CARD14: variants seen among roughly 807,000 people sequenced by gnomAD.
CARD14 encodes the protein caspase recruitment domain-containing protein 14.
CARD14 carries 107 observed loss-of-function variants against 111.5 expected under a neutral mutation model. The ratio of observed to expected loss-of-function variants is 0.96; its 90% confidence interval spans 0.82 to 1.13. The LOEUF (loss-of-function observed/expected upper bound fraction) is 1.13, where lower values mean the gene tolerates loss of function less well. Ranked by LOEUF, CARD14 falls within the 50% of genes most tolerant of loss-of-function variation. The probability of loss-of-function intolerance (pLI) is 0.00; values close to 1 mark genes in which losing one functional copy is unlikely to be tolerated. For synonymous variants in CARD14, 617 were observed against 579.6 expected (o/e 1.06, Z -0.93); for missense variants, 1,322 against 1,362.3 (o/e 0.97, Z 0.47).
At chr17:80,205,897 T>C (rs1283947752) in intron 22 of CARD14, 2 of 419,026 alleles carry the variant, frequency 4.8e-6, no homozygotes, top group East Asian at 4.0e-5. Flanking sequence ...GGATGTTTAA[T>C]AGATATTTGT....
rs567128716 is a variant in CARD14 at position 80,187,774 on chromosome 17, G to C, written c.676-603G>C. ...CGGGAAGAGGGCGGGCCCGTGGCTC[G>C]AGCTCCAAGTTTCTCTTGGGCTGCT... On this transcript the variant is annotated intron_variant, in intron 7 of 23. Transcript: ENST00000648509. 1.7e-5 allele frequency: 17 copies of C among 985,376 alleles called. No individual in the cohort carries two copies. The African/African-American group carries it at 3.0e-4, about 17-fold the overall frequency. The allele number at this position is 985,376 out of a possible 1,614,324, so 61.0% of individuals were successfully genotyped here.
At chr17:80,191,999 C>T (rs537120666) in intron 11 of CARD14, among the ~76,000 whole-genome samples, 4 of 152,310 alleles carry the variant, frequency 2.6e-5, no homozygotes, top group South Asian at 2.1e-4. Flanking sequence ...CTCCTCCCTC[C>T]GCATGCGGAA....
rs746900548 is a variant in CARD14 at position 80,205,527 on chromosome 17, G to A, written c.2570-4G>A. 10 of 1,584,426 alleles carry A rather than the reference G, an allele frequency of 6.3e-6. No individual in the cohort carries two copies. The highest frequency in any genetic ancestry group is 1.7e-4 in the Middle Eastern group (1 of 6,050). On this transcript the variant is annotated splice_polypyrimidine_tract_variant and splice_region_variant and intron_variant, in intron 21 of 23. Transcript: ENST00000648509. ...ATGATGGCCCCGTCCAATGTCACCT[G>A]TAGAGTACTTGAGCCAGGAGGAGTA...
rs149287760 is a variant in CARD14, at chr17:80,191,411, C to T, written c.1178C>T (p.Thr393Met). The change falls in exon 11 of 24, where the codon ACG becomes ATG. Residue 393 changes from threonine (T) to methionine (M), a missense_variant. By Grantham distance (81) the Thr-to-Met change is moderately conservative. Coordinates refer to ENST00000648509, the MANE Select transcript of CARD14 (RefSeq NM_001366385.1). Reference sequence around the variant, plus strand: ...CTCCGCAGGCAGGTGTTCGAGCTGACGGACCAGGTCTGCGAGCTGCGCACA... The same window carrying T: ...CTCCGCAGGCAGGTGTTCGAGCTGATGGACCAGGTCTGCGAGCTGCGCACA... ...DSLRRQVFELTDQVCELRTQL... is the reference protein window; with the variant it reads ...DSLRRQVFELMDQVCELRTQL... 5.6e-5 allele frequency: 91 copies of T among 1,613,538 alleles called. No individual in the cohort carries two copies. The highest frequency in any genetic ancestry group is 9.3e-5 in the African/African-American group (7 of 74,916).
rs1426788108 is a variant in CARD14, at chr17:80,202,339, G to A, written c.2138G>A (p.Cys713Tyr). ...GTCACCGACACCATGTTCCAGGGCT[G>A]CGGCTGCTGGCATGCCCACCGCGTG... ...LHVTDTMFQG[C>Y]GCWHAHRVNS... The change falls in exon 18 of 24, where the codon TGC (cysteine) becomes TAC (tyrosine). Residue 713 changes from cysteine to tyrosine, a missense_variant. Coordinates refer to ENST00000648509, the MANE Select transcript of CARD14 (RefSeq NM_001366385.1). 6.2e-7 allele frequency: 1 copy of A among 1,613,438 alleles called. No individual in the cohort carries two copies.
intron 2 of CARD14, among the ~76,000 whole-genome samples, chr17:80,177,620 G>A (rs1236141063): frequency 6.6e-6 from 1 of 152,142 alleles, no homozygotes; most frequent in African/African-American, 2.4e-5. Flanking sequence ...GCTTGAACCC[G>A]GGAGACAAAG....
At position 80,189,713 on chromosome 17, in the gene CARD14, G is replaced by C. The variant is rs2040456620; in HGVS notation, c.844-40G>C. 1 of 1,511,510 alleles carries C rather than the reference G, an allele frequency of 6.6e-7. No homozygotes were observed. The highest frequency in any genetic ancestry group is 2.5e-5 in the Admixed American group (1 of 39,850). 93.6% of individuals were successfully genotyped at this position (1,511,510 alleles called of 1,614,324 possible). On this transcript the variant is annotated intron_variant, in intron 8 of 23. Transcript: ENST00000648509. The surrounding 1 kb of genome is among the most constrained non-coding windows in gnomAD (Gnocchi z 4.7). ...TTCTGCTTGCCTAGGGCAGGCCTCT[G>C]GGGAAGCCAGCACCCCAGGCTGACC...
chr17:80,204,782 A>C, intron 20 of CARD14: 1 of 478,170 alleles, frequency 2.1e-6, no homozygotes, highest in Non-Finnish European at 3.7e-6. Flanking sequence ...CCTATAGGAA[A>C]CAGGATTAAG....
At position 80,188,399 on chromosome 17, in the gene CARD14, T is replaced by C. The variant is rs750975292; in HGVS notation, c.698T>C (p.Leu233Pro). Residue 233 changes from leucine (L) to proline (P), a missense_variant, in exon 8 of 24, where the codon CTG becomes CCG. By Grantham distance (98) the Leu-to-Pro change is moderately conservative (BLOSUM62 -3). Transcript: ENST00000648509. This position sits in a 1 kb window ranked among gnomAD's most constrained non-coding sequence, Gnocchi z 4.5. ...CAGCTGTATCTACTGAAGCAGGAGC[T>C]GCAGCGAGCCAACATGGTTTCCTCC... ...QEELYLLKQELQRANMVSSCE... is the reference protein window; with the variant it reads ...QEELYLLKQEPQRANMVSSCE... 20 of 1,610,656 alleles carry C rather than the reference T, an allele frequency of 1.2e-5. No individual in the cohort carries two copies. Among genetic ancestry groups the C allele is most frequent in the Non-Finnish European group, 1.6e-5 (19 of 1,178,526 alleles).
rs571049959 is a variant in CARD14 at position 80,205,108 on chromosome 17, C to T, written c.2472C>T (p.Pro824=). ...ATACCCTGGTGCGGCCCCATCGACCCGCCCGGCCCCGGCCTGTGCTCCTCG... is the reference window on the plus strand; with the variant it reads ...ATACCCTGGTGCGGCCCCATCGACCTGCCCGGCCCCGGCCTGTGCTCCTCG... The part of the protein sequence containing the change: ...VPYTLVRPHR[P]ARPRPVLLVP... Residue 824 remains proline (P), a synonymous_variant, in exon 21 of 24, where the codon CCC becomes CCT. Transcript: ENST00000648509. The T allele has an allele frequency of 6.8e-6, 11 of 1,613,664 alleles. No individual in the cohort carries two copies. The highest frequency in any genetic ancestry group is 4.5e-5 in the East Asian group (2 of 44,878).
At chr17:80,194,961 G>C (rs192412195) in intron 12 of CARD14, among the ~76,000 whole-genome samples, 2 of 152,332 alleles carry the variant, frequency 1.3e-5, no homozygotes, top group South Asian at 2.1e-4. Context: ...GCAGCTAATA[G>C]AGCCTGACAT....
At position 80,208,606 on chromosome 17, in the gene CARD14, A is replaced by C; in HGVS notation, c.*261A>C. ...ATGGTCTGAACTGGAAACCCTGAGA[A>C]TGTTTCTGCAGTGGGACAGGAGGGA... On this transcript the variant is annotated 3_prime_UTR_variant, in exon 24 of 24. Transcript: ENST00000648509. 2.4e-6 allele frequency: 1 copy of C among 418,634 alleles called. No homozygotes were observed. 25.9% of individuals were successfully genotyped at this position (418,634 alleles called of 1,614,324 possible).
At chr17:80,199,176 T>C (rs1199825231) in intron 16 of CARD14, among the ~76,000 whole-genome samples, 1 of 152,070 alleles carries the variant, frequency 6.6e-6, no homozygotes, top group African/African-American at 2.4e-5. Context: ...CGCACAAAAC[T>C]GCTGAGAAGA....
chr17:80,201,988 C>T lies in CARD14; in HGVS notation c.1978+118C>T, dbSNP rs1439987183. On this transcript the variant is annotated intron_variant, in intron 17 of 23. Transcript: ENST00000648509. The surrounding 1 kb of genome is among the most constrained non-coding windows in gnomAD (Gnocchi z 5.0). ...GGGACCCCCAGAGCCAAGAGAGGAT[C>T]AGCCAGGCTGTGCCCCAGGTCCCCA... 1.4e-6 allele frequency: 2 copies of T among 1,393,874 alleles called. No individual in the cohort carries two copies. Among genetic ancestry groups the T allele is most frequent in the African/African-American group, 2.9e-5 (2 of 69,334 alleles). 86.3% of individuals were successfully genotyped at this position (1,393,874 alleles called of 1,614,324 possible).
rs2041478816 is a variant in CARD14 at position 80,208,488 on chromosome 17, T to C, written c.*143T>C. ...CTCCCCACTGGCTGGGGTCTAACCTTGAACCCTCACCACGTGCAGGTCACA... is the reference window on the plus strand; with the variant it reads ...CTCCCCACTGGCTGGGGTCTAACCTCGAACCCTCACCACGTGCAGGTCACA... On this transcript the variant is annotated 3_prime_UTR_variant, in exon 24 of 24. Coordinates refer to ENST00000648509, the MANE Select transcript of CARD14 (RefSeq NM_001366385.1). 5.6e-6 allele frequency: 4 copies of C among 709,756 alleles called. No homozygotes were observed. The highest frequency in any genetic ancestry group is 9.0e-6 in the Non-Finnish European group (4 of 445,494). 44.0% of individuals were successfully genotyped at this position (709,756 alleles called of 1,614,324 possible).
chr17:80,177,732 A>G (rs1396484733), intron 2 of CARD14, among the ~76,000 whole-genome samples: 1 of 152,070 alleles, frequency 6.6e-6, no homozygotes, highest in Non-Finnish European at 1.5e-5. Flanking sequence ...TTTAGCAGAG[A>G]CAAGGTCTCA....
At chr17:80,202,126 C>T in intron 17 of CARD14, 54 bp from the exon 18 acceptor site, 1 of 1,496,630 alleles carries the variant, frequency 6.7e-7, no homozygotes, top group Admixed American at 1.8e-5. Context: ...TGCAACCTTC[C>T]TCGCAGAGGC....
rs2040696082 is a variant in CARD14 at position 80,195,853 on chromosome 17, C to T, written c.1594+201C>T. On this transcript the variant is annotated intron_variant, in intron 14 of 23. Coordinates refer to ENST00000648509, the MANE Select transcript of CARD14 (RefSeq NM_001366385.1). This position sits in a 1 kb window ranked among gnomAD's most constrained non-coding sequence, Gnocchi z 4.7. Reference sequence around the variant, plus strand: ...CCAGCCAGCGTAAGCCAAAGGCCGGCTGCGCTCTGTCTGCTGGTGTCCTTG... The same window carrying T: ...CCAGCCAGCGTAAGCCAAAGGCCGGTTGCGCTCTGTCTGCTGGTGTCCTTG... 1 of 572,656 alleles carries T rather than the reference C, an allele frequency of 1.7e-6. No individual in the cohort carries two copies. Among genetic ancestry groups the T allele is most frequent in the African/African-American group, 2.1e-5 (1 of 47,796 alleles). The allele number at this position is 572,656 out of a possible 1,614,324, so 35.5% of individuals were successfully genotyped here.
At position 80,188,371 on chromosome 17, in the gene CARD14, G is replaced by A. The variant is rs28674001; in HGVS notation, c.676-6G>A. On this transcript the variant is annotated splice_polypyrimidine_tract_variant and splice_region_variant and intron_variant, in intron 7 of 23. Coordinates refer to ENST00000648509, the MANE Select transcript of CARD14 (RefSeq NM_001366385.1). The surrounding 1 kb of genome is among the most constrained non-coding windows in gnomAD (Gnocchi z 4.5). The stretch of plus-strand genomic sequence containing the variant: ...TCGCCCTTCCTGTCGCCTCCCCACC[G>A]CACAGCTGTATCTACTGAAGCAGGA... 0.34 allele frequency: 543,894 copies of A among 1,604,012 alleles called. 94,043 individuals are homozygous for A. Among genetic ancestry groups the A allele is most frequent in the East Asian group, 0.42 (18,570 of 43,850 alleles).
Sources: allele counts gnomAD v4.1 joint callset (sites outside exome capture counted in the v4.1 genomes callset), GRCh38; gene constraint gnomAD v4.1.1; non-coding constraint Gnocchi (gnomAD v3.1); transcripts MANE v1.5; gene names NCBI Gene and HGNC (gene_info 2026-07-23, HGNC 2026-07-21).